The following SLC39A10 variants were observed in gnomAD, a reference collection of about 807,000 sequenced individuals.
SLC39A10 encodes solute carrier family 39 member 10.
In SLC39A10, 13 loss-of-function variants were observed where a neutral mutation model predicts 65.1. That is an observed-to-expected ratio of 0.20 (90% confidence interval 0.13 to 0.32). The LOEUF (loss-of-function observed/expected upper bound fraction) is 0.32, where lower values mean the gene tolerates loss of function less well. SLC39A10 is among the 10% of genes least tolerant of loss of function. SLC39A10 has a pLI of 1.00. For synonymous variants in SLC39A10, 321 were observed against 342.2 expected (o/e 0.94, Z 0.68); for missense variants, 831 against 1,018.4 (o/e 0.82, Z 2.50).
At chr2:195,666,010 A>G (rs1010607798) in intron 1 of SLC39A10, among the ~76,000 whole-genome samples, 1 of 152,132 alleles carries the variant, frequency 6.6e-6, no homozygotes, top group African/African-American at 2.4e-5. Flanking sequence ...TTCCTGCACA[A>G]CTTTGTTTTT....
intron 3 of SLC39A10, among the ~76,000 whole-genome samples, chr2:195,687,784 A>G (rs1351202517): frequency 6.6e-6 from 1 of 152,196 alleles, no homozygotes; most frequent in Admixed American, 6.5e-5. Flanking sequence ...CTAATATGCT[A>G]TATACTGTGT....
intron 4 of SLC39A10, among the ~76,000 whole-genome samples, chr2:195,707,577 A>AATATATG (rs1691452498): frequency 6.8e-6 from 1 of 146,324 alleles, no homozygotes; most frequent in Non-Finnish European, 1.5e-5. Context: ...TATCTACAGC[A>AATATATG]ATATATGGCA....
intron 8 of SLC39A10, among the ~76,000 whole-genome samples, 185 bp from the exon 9 acceptor site, chr2:195,727,974 C>T (rs1433799995): frequency 6.6e-6 from 1 of 152,084 alleles, no homozygotes; most frequent in Non-Finnish European, 1.5e-5. Flanking sequence ...AGTATCATGC[C>T]TTTGAGATTC....
At chr2:195,645,939 CT>C (rs1287675568) in intron 2 of SLC39A10, among the ~76,000 whole-genome samples, 1 of 152,088 alleles carries the variant, frequency 6.6e-6, no homozygotes. Context: ...TTGATTCTAT[CT>C]TTTTTTCTTT....
chr2:195,718,204 G>A, intron 7 of SLC39A10, 48 bp from the exon 8 acceptor site: 2 of 1,451,994 alleles, frequency 1.4e-6, no homozygotes, highest in Non-Finnish European at 1.9e-6. Context: ...AAAATGTGAA[G>A]AGTTAAGATC....
intron 9 of SLC39A10, among the ~76,000 whole-genome samples, chr2:195,733,709 TAATAGAG>T: frequency 1.3e-5 from 2 of 152,120 alleles, no homozygotes; most frequent in Middle Eastern, 6.8e-3. Flanking sequence ...TTTGTATTTT[TAATAGAG>T]ACGGAGTTAC....
chr2:195,721,647 G>A (rs182372383), intron 8 of SLC39A10, among the ~76,000 whole-genome samples: 2 of 152,052 alleles, frequency 1.3e-5, no homozygotes, highest in East Asian at 3.9e-4. Flanking sequence ...ATCACATACT[G>A]CTGTTAGCCT....
At chr2:195,689,834 A>G (rs1348734334) in intron 3 of SLC39A10, among the ~76,000 whole-genome samples, 1 of 152,146 alleles carries the variant, frequency 6.6e-6, no homozygotes, top group Non-Finnish European at 1.5e-5. Context: ...TGACTGGCTT[A>G]TTTCACTTAG....
intron 9 of SLC39A10, among the ~76,000 whole-genome samples, chr2:195,731,224 C>T (rs1692423211): frequency 6.6e-6 from 1 of 152,128 alleles, no homozygotes. Flanking sequence ...TTTTCCTATC[C>T]TTACTTCAAA....
intron 2 of SLC39A10, among the ~76,000 whole-genome samples, chr2:195,617,526 T>C (rs1688242180): frequency 6.6e-6 from 1 of 151,768 alleles, no homozygotes; most frequent in Admixed American, 6.6e-5. Context: ...TGTGCCACTG[T>C]ACTCCAGCCT....
At chr2:195,696,984 C>A (rs1465934825) in intron 3 of SLC39A10, among the ~76,000 whole-genome samples, 1 of 152,052 alleles carries the variant, frequency 6.6e-6, no homozygotes. Flanking sequence ...ATTCGTTATT[C>A]ATATTAACTA....
intron 1 of SLC39A10, among the ~76,000 whole-genome samples, chr2:195,674,233 G>T (rs1574253521): frequency 6.6e-6 from 1 of 151,950 alleles, no homozygotes; most frequent in Non-Finnish European, 1.5e-5. Flanking sequence ...GAGCATTTAG[G>T]TTGTAGCAGG....
Position 195,667,744 on chromosome 2 carries a change from C to T in SLC39A10, c.-12+10463C>T, listed in dbSNP as rs550678922. Among the ~76,000 whole-genome samples, 8 of 152,158 alleles carry T rather than the reference C, an allele frequency of 5.3e-5. No homozygotes were observed. In the East Asian group the frequency reaches 5.8e-4, roughly 11 times the overall value. On this transcript the variant is annotated intron_variant, in intron 1 of 9. Transcript: ENST00000359634. The stretch of plus-strand genomic sequence containing the variant: ...TGCAGAGAGAAAACAGTGGCACAAC[C>T]GGGATGAACTAGAGACAGAGGTTTC...
At chr2:195,734,385 A>C (rs1472818035) in intron 9 of SLC39A10, among the ~76,000 whole-genome samples, 1 of 150,870 alleles carries the variant, frequency 6.6e-6, no homozygotes, top group Admixed American at 6.6e-5. Flanking sequence ...CTGGTCTTGA[A>C]CTCCTGACCC....
At chr2:195,657,870 G>C (rs1041318243) in intron 1 of SLC39A10, among the ~76,000 whole-genome samples, 1 of 152,170 alleles carries the variant, frequency 6.6e-6, no homozygotes, top group African/African-American at 2.4e-5. Flanking sequence ...CGAGGCTAAC[G>C]GACGGCGGCG....
chr2:195,733,715 A>G (rs893530693), intron 9 of SLC39A10, among the ~76,000 whole-genome samples: 2 of 151,868 alleles, frequency 1.3e-5, no homozygotes, highest in Admixed American at 6.6e-5. Context: ...TTTTTAATAG[A>G]GACGGAGTTA....
rs1553509291 is a variant in SLC39A10 at position 195,736,881 on chromosome 2, T to TATCTATC, written c.*1841_*1847dup. ...TACTGCCAACTTCAAGTGATTTAGA[T>TATCTATC]ATCTATCTATCTAGATTTCTGAACC... On this transcript the variant is annotated 3_prime_UTR_variant, in exon 10 of 10. Transcript: ENST00000359634. 4.5e-5 allele frequency: 2 copies of TATCTATC among 44,092 alleles called. No individual in the cohort carries two copies. The highest frequency in any genetic ancestry group is 8.0e-4 in the South Asian group (1 of 1,254). 2.7% of individuals were successfully genotyped at this position (44,092 alleles called of 1,614,324 possible).
Position 195,613,457 on chromosome 2 carries a change from G to A in SLC39A10, c.-12+7224G>A, listed in dbSNP as rs551569010. ...TATAAAATTACAAAGGAATGGTACA[G>A]CTGTTCTCTGATTATATTCTTAGAG... On this transcript the variant is annotated intron_variant, in intron 2 of 2. Transcript: ENST00000458054. 8.5e-5 allele frequency among the ~76,000 whole-genome samples: 13 copies of A among 152,278 alleles called. No homozygotes were observed. In the South Asian group the frequency reaches 2.1e-3, roughly 24 times the overall value.
chr2:195,649,750 T>G (rs549561249), intron 2 of SLC39A10, among the ~76,000 whole-genome samples: 1 of 152,352 alleles, frequency 6.6e-6, no homozygotes, highest in African/African-American at 2.4e-5. Context: ...GGAGTTATGT[T>G]CTGAAAAGTC....
Sources: allele counts gnomAD v4.1 joint callset (sites outside exome capture counted in the v4.1 genomes callset), GRCh38; gene constraint gnomAD v4.1.1; transcripts MANE v1.5; gene names NCBI Gene and HGNC (gene_info 2026-07-23, HGNC 2026-07-21).